The following SYF2 variants were observed in gnomAD, a reference collection of about 807,000 sequenced individuals.
SYF2 encodes pre-mRNA-splicing factor SYF2.
In SYF2, 21 loss-of-function variants were observed where a neutral mutation model predicts 32.7. The observed-to-expected ratio is 0.64, with a 90% CI of 0.45 to 0.92. The LOEUF is 0.92. Among genes scored for constraint, SYF2 ranks in the 40% least tolerant of loss-of-function variants. SYF2 has a pLI of 0.00. For missense variants in SYF2, 278 were observed against 296.5 expected (o/e 0.94, Z 0.46); for synonymous variants, 114 against 103.9 (o/e 1.10, Z -0.59).
intron 2 of SYF2, chr1:25,231,409 T>C (rs1399698374): frequency 6.6e-6 from 1 of 152,282 alleles, no homozygotes; most frequent in Admixed American, 6.5e-5. Context: ...TTTCTTTGAA[T>C]TTGTTCCCTT....
rs1207629745 is a variant in SYF2, at chr1:25,228,251, A to C, written c.259-16T>G. The stretch of plus-strand genomic sequence containing the variant: ...CCGCACATTCCTAAAAAGAAGAAAA[A>C]AGCTGACACCTACAATTATGATACA... On this transcript the variant is annotated splice_polypyrimidine_tract_variant and intron_variant, in intron 3 of 6. Transcript: ENST00000236273. 11 of 1,589,406 alleles carry C rather than the reference A, an allele frequency of 6.9e-6. No individual in the cohort carries two copies. The highest frequency in any genetic ancestry group is 7.7e-6 in the Non-Finnish European group (9 of 1,163,932).
chr1:25,228,043 C>T (rs528234468), intron 4 of SYF2, 75 bp downstream of exon 4: 6 of 1,260,960 alleles, frequency 4.8e-6, no homozygotes, highest in Non-Finnish European at 6.9e-6. Context: ...GAGGCACATC[C>T]TTTCTTGAAA....
At chr1:25,226,157 AT>A (rs1405047401) in intron 5 of SYF2, among the ~76,000 whole-genome samples, 2 of 151,968 alleles carry the variant, frequency 1.3e-5, no homozygotes, top group Non-Finnish European at 2.9e-5. Flanking sequence ...CAAAAAAAAA[AT>A]AAAAATAAAA....
chr1:25,228,986 A>G lies in SYF2; in HGVS notation c.258+12T>C. ...TGACTAAATCACTTATGAAGATAGA[A>G]TAGTTCCTAACCTTTTTCTTTTCCT... On this transcript the variant is annotated intron_variant, in intron 3 of 6. Transcript: ENST00000236273. 2 of 1,610,336 alleles carry G rather than the reference A, an allele frequency of 1.2e-6. No individual in the cohort carries two copies. The highest frequency in any genetic ancestry group is 1.7e-6 in the Non-Finnish European group (2 of 1,179,042).
intron 4 of SYF2, 69 bp from the exon 5 acceptor site, chr1:25,227,601 T>A: frequency 7.3e-7 from 1 of 1,368,004 alleles, no homozygotes; most frequent in African/African-American, 1.4e-5. Flanking sequence ...GAGAGAAAAA[T>A]CTAAATTATC....
rs758633375 is a variant in SYF2 at position 25,223,353 on chromosome 1, A to G, written c.645T>C (p.Asn215=). The change falls in exon 7 of 7, where the codon AAT becomes AAC. Residue 215 remains asparagine (N), a synonymous_variant. Coordinates refer to ENST00000236273, the MANE Select transcript of SYF2 (RefSeq NM_015484.5). ...DADIDYINER[N]AKFNKKAERF... ...TTTCAGCTTTCTTGTTGAATTTGGC[A>G]TTCCTTTCATTAATGTAGTCGATAT... 3.0e-5 allele frequency: 49 copies of G among 1,613,844 alleles called. No individual in the cohort carries two copies. The highest frequency in any genetic ancestry group is 4.0e-5 in the Non-Finnish European group (47 of 1,179,962).
At position 25,229,018 on chromosome 1, in the gene SYF2, T is replaced by G. The variant is rs2124512521; in HGVS notation, c.238A>C (p.Lys80Gln). 6.2e-7 allele frequency: 1 copy of G among 1,613,568 alleles called. No individual in the cohort carries two copies. Among genetic ancestry groups the G allele is most frequent in the Non-Finnish European group, 8.5e-7 (1 of 1,179,904 alleles). Residue 80 changes from lysine to glutamine, a missense_variant, in exon 3 of 7, where the codon AAG (lysine) becomes CAG (glutamine). By Grantham distance (53) the Lys-to-Gln change is moderately conservative. Coordinates refer to ENST00000236273, the MANE Select transcript of SYF2 (RefSeq NM_015484.5). ...AKKARLEWEL[K>Q]EEEKKKECAA... The stretch of plus-strand genomic sequence containing the variant: ...CTAACCTTTTTCTTTTCCTCTTCCT[T>G]TAGTTCCCACTCCAAACGAGCTTTT...
intron 2 of SYF2, 141 bp from the exon 3 acceptor site, chr1:25,229,264 A>G: frequency 9.6e-7 from 1 of 1,038,402 alleles, no homozygotes; most frequent in Non-Finnish European, 1.4e-6. Context: ...GAGCCATCAC[A>G]GGATTTTAAG....
chr1:25,227,950 T>C (rs575488720), intron 4 of SYF2, among the ~76,000 whole-genome samples, 168 bp downstream of exon 4: 138 of 151,204 alleles, frequency 9.1e-4, no homozygotes, highest in Non-Finnish European at 1.6e-3. Flanking sequence ...AAGTACAGCC[T>C]TTTTTTTTAA....
chr1:25,228,550 G>A lies in SYF2; in HGVS notation c.259-315C>T, dbSNP rs139816929. The stretch of plus-strand genomic sequence containing the variant: ...GGGTTTCACCATGTTGGCCATGCTG[G>A]TCTCAAATTCCTGACCTCAAATGAT... On this transcript the variant is annotated intron_variant, in intron 3 of 6. Coordinates refer to ENST00000236273, the MANE Select transcript of SYF2 (RefSeq NM_015484.5). Among the ~76,000 whole-genome samples, 836 of 152,238 alleles carry A rather than the reference G, an allele frequency of 5.5e-3. 8 individuals are homozygous for A. Among genetic ancestry groups the A allele is most frequent in the African/African-American group, 0.019 (776 of 41,552 alleles).
Position 25,229,184 on chromosome 1 carries a change from T to C in SYF2, c.133-61A>G, listed in dbSNP as rs187692708. 3.1e-4 allele frequency: 495 copies of C among 1,576,744 alleles called. 2 individuals carry two copies. The highest frequency in any genetic ancestry group is 7.5e-5 in the Non-Finnish European group (87 of 1,163,630). On this transcript the variant is annotated intron_variant, in intron 2 of 6. Transcript: ENST00000236273. ...CATGAAAATAAATCCAGATACACCT[T>C]GCCTTCTTTGAGGAGGGTCAGGCAG...
intron 2 of SYF2, among the ~76,000 whole-genome samples, chr1:25,229,963 T>C (rs554436803): frequency 6.6e-6 from 1 of 152,244 alleles, no homozygotes; most frequent in South Asian, 2.1e-4. Context: ...GTTACAAGCG[T>C]GTGCCACAAT....
Position 25,232,105 on chromosome 1 carries a change from C to T in SYF2, c.131G>A (p.Arg44Gln), listed in dbSNP as rs1363577147. Residue 44 changes from arginine (R) to glutamine (Q), a missense_variant and splice_region_variant, in exon 2 of 7, where the codon CGG (arginine) becomes CAG (glutamine). By Grantham distance (43) the Arg-to-Gln change is conservative. Transcript: ENST00000236273. ...AAGCCGGCCTCCAAGACTACTCACC[C>T]GCATCAGGTGCAGCTCCCGGAATTT... is the stretch of plus-strand genomic sequence containing the variant. ...LRKFRELHLM[R>Q]NEARKLNHQE... 6.2e-7 allele frequency: 1 copy of T among 1,613,578 alleles called. No homozygotes were observed. Among genetic ancestry groups the T allele is most frequent in the Non-Finnish European group, 8.5e-7 (1 of 1,179,852 alleles).
intron 3 of SYF2, 65 bp from the exon 4 acceptor site, chr1:25,228,300 A>T: frequency 7.9e-7 from 1 of 1,271,940 alleles, no homozygotes; most frequent in Non-Finnish European, 1.1e-6. Context: ...TCTACTTTAC[A>T]TCAAGAAAGA....
Position 25,225,004 on chromosome 1 carries a change from T to C in SYF2, c.564A>G (p.Lys188=), listed in dbSNP as rs940656084. The C allele has an allele frequency of 8.7e-6, 14 of 1,610,604 alleles. No homozygotes were observed. The highest frequency in any genetic ancestry group is 1.2e-5 in the Non-Finnish European group (14 of 1,176,910). The change falls in exon 6 of 7, where the codon AAA becomes AAG. Residue 188 remains lysine (K), a splice_region_variant and synonymous_variant. Coordinates refer to ENST00000236273, the MANE Select transcript of SYF2 (RefSeq NM_015484.5). The part of the protein sequence containing the change: ...EIDRMVIDLE[K]QIEKRDKYSR... ...AAGCTGCTCTACTGAATACTTACTGTTTTTCCAGATCTATGACCATCCTGT... is the reference window on the plus strand; with the variant it reads ...AAGCTGCTCTACTGAATACTTACTGCTTTTCCAGATCTATGACCATCCTGT...
intron 2 of SYF2, chr1:25,230,378 C>T (rs949339708): frequency 6.6e-6 from 1 of 151,148 alleles, no homozygotes; most frequent in African/African-American, 2.4e-5. Flanking sequence ...ATGAGTGTAT[C>T]GTCTTAAGGA....
intron 5 of SYF2, among the ~76,000 whole-genome samples, chr1:25,225,819 C>T (rs1638498897): frequency 6.6e-6 from 1 of 150,884 alleles, no homozygotes; most frequent in African/African-American, 2.5e-5. Flanking sequence ...GATCACGCCA[C>T]TGCACTCTAG....
chr1:25,231,990 T>C lies in SYF2; in HGVS notation c.132+114A>G, dbSNP rs781756273. 22 of 1,030,842 alleles carry C rather than the reference T, an allele frequency of 2.1e-5. No homozygotes were observed. In the Admixed American group the frequency reaches 4.2e-4, roughly 20 times the overall value. 63.9% of individuals were successfully genotyped at this position (1,030,842 alleles called of 1,614,324 possible). On this transcript the variant is annotated intron_variant, in intron 2 of 6. Transcript: ENST00000236273. ...CACCGAACAGAGCTTTCCTCTCAGA[T>C]GATCCTGCTCTGTTGGTCTGTCAGA...
At chr1:25,223,648 G>A (rs183130340) in intron 6 of SYF2, among the ~76,000 whole-genome samples, 2 of 152,274 alleles carry the variant, frequency 1.3e-5, no homozygotes, top group East Asian at 3.9e-4. Flanking sequence ...TTCATCTTCA[G>A]AATGCTAGAG....
Sources: allele counts gnomAD v4.1 joint callset (sites outside exome capture counted in the v4.1 genomes callset), GRCh38; gene constraint gnomAD v4.1.1; transcripts MANE v1.5; gene names NCBI Gene and HGNC (gene_info 2026-07-23, HGNC 2026-07-21).